Variants in SULT2B1 observed in about 807,000 individuals in gnomAD.
SULT2B1 encodes the protein sulfotransferase family 2B member 1.
Under a neutral mutation model 33.2 loss-of-function variants are expected in SULT2B1, and 16 were observed. The ratio of observed to expected loss-of-function variants is 0.48; its 90% CI spans 0.33 to 0.73. SULT2B1 has a LOEUF of 0.73. Ranked by LOEUF, SULT2B1 falls within the 30% of genes least tolerant of loss-of-function variation. The pLI is 0.02. For missense variants in SULT2B1, 500 were observed against 506.0 expected (o/e 0.99, Z 0.11); for synonymous variants, 186 against 200.5 (o/e 0.93, Z 0.61).
intron 4 of SULT2B1, among the ~76,000 whole-genome samples, chr19:48,592,206 G>C (rs3786750): frequency 0.21 from 32,287 of 152,024 alleles, 3,515 homozygotes; most frequent in Non-Finnish European, 0.24. Flanking sequence ...ACAGGAGAAT[G>C]GCTTGAACTT....
chr19:48,559,437 T>G (rs950896527), intron 1 of SULT2B1, among the ~76,000 whole-genome samples: 1 of 151,964 alleles, frequency 6.6e-6, no homozygotes, highest in African/African-American at 2.4e-5. Context: ...GTGGCGTGAT[T>G]TTAGCTCACT....
At chr19:48,598,759 C>T (rs1357887407) in intron 6 of SULT2B1, among the ~76,000 whole-genome samples, 1 of 152,028 alleles carries the variant, frequency 6.6e-6, no homozygotes, top group African/African-American at 2.4e-5. Context: ...GACAGGAGGC[C>T]TTGTTCTAGC....
At chr19:48,564,328 C>T (rs751348448) in intron 1 of SULT2B1, among the ~76,000 whole-genome samples, 14 of 151,240 alleles carry the variant, frequency 9.3e-5, no homozygotes, top group East Asian at 2.0e-4. Context: ...CCGAGGCGGG[C>T]GGATCACGAG....
At chr19:48,566,590 C>G (rs1420512910) in intron 1 of SULT2B1, among the ~76,000 whole-genome samples, 1 of 152,156 alleles carries the variant, frequency 6.6e-6, no homozygotes, top group South Asian at 2.1e-4. Flanking sequence ...ACCTGTAATT[C>G]TAGCATTTTG....
chr19:48,587,111 T>TAA (rs34482710), intron 2 of SULT2B1, 118 bp from the exon 3 acceptor site: 15,633 of 638,472 alleles, frequency 0.024, 396 homozygotes, highest in East Asian at 0.13. Flanking sequence ...GACTCTGTCT[T>TAA]AAAAAAAAAT....
intron 6 of SULT2B1, among the ~76,000 whole-genome samples, chr19:48,598,798 A>T (rs888006346): frequency 2.0e-5 from 3 of 151,896 alleles, no homozygotes; most frequent in African/African-American, 7.3e-5. Context: ...GTCGCAGAGG[A>T]GGTGACACAA....
At chr19:48,562,923 G>A (rs144728939) in intron 1 of SULT2B1, among the ~76,000 whole-genome samples, 8 of 151,964 alleles carry the variant, frequency 5.3e-5, no homozygotes, top group South Asian at 2.1e-4. Flanking sequence ...TAAGTGATCC[G>A]CCTGCCTTGG....
At chr19:48,569,657 C>A (rs1319744488) in intron 1 of SULT2B1, among the ~76,000 whole-genome samples, 1 of 151,344 alleles carries the variant, frequency 6.6e-6, no homozygotes, top group Non-Finnish European at 1.5e-5. Context: ...AGCCACCATG[C>A]CTGGCCTCAA....
chr19:48,591,797 C>T, intron 4 of SULT2B1, 62 bp downstream of exon 4: 1 of 1,479,920 alleles, frequency 6.8e-7, no homozygotes, highest in Non-Finnish European at 9.0e-7. Context: ...CCCTGATGGG[C>T]AGAGGGACAG....
chr19:48,560,776 C>T (rs1445044053), intron 1 of SULT2B1, among the ~76,000 whole-genome samples: 1 of 151,802 alleles, frequency 6.6e-6, no homozygotes, highest in East Asian at 1.9e-4. Context: ...GCCTGGCCAA[C>T]ATGGTGAAAC....
rs183732003 is a variant in SULT2B1 at position 48,581,264 on chromosome 19, G to A, written c.214+5181G>A. ...TCTCCATGTTGGTCAGGCTGGTCTC[G>A]AACTCCCAATCTCAGGTGATCCGCC... On this transcript the variant is annotated intron_variant, in intron 2 of 6. Coordinates refer to ENST00000201586, the MANE Select transcript of SULT2B1 (RefSeq NM_177973.2). 2.3e-3 allele frequency among the ~76,000 whole-genome samples: 344 copies of A among 147,188 alleles called. 11 individuals carry two copies. The highest frequency in any genetic ancestry group is 0.022 in the Admixed American group (325 of 14,486).
In SULT2B1 at chr19:48,592,890, G is replaced by A. The variant is rs935647648; in HGVS notation, c.645+74G>A. ...TCACACCCCACACTCTCCCCTTCCC[G>A]AGGGTCTCAGGACCCCTCCGCTTCC... On this transcript the variant is annotated intron_variant, in intron 5 of 6. Coordinates refer to ENST00000201586, the MANE Select transcript of SULT2B1 (RefSeq NM_177973.2). 49 of 1,356,974 alleles carry A rather than the reference G, an allele frequency of 3.6e-5. No homozygotes were observed. The African/African-American group carries it at 4.1e-4, about 11-fold the overall frequency. The allele number at this position is 1,356,974 out of a possible 1,614,324, so 84.1% of individuals were successfully genotyped here. A position where few individuals can be genotyped will look rare whatever the true frequency, so the allele number is the denominator to read the frequency against.
In SULT2B1 at chr19:48,552,411, C is replaced by G; in HGVS notation, c.71+88C>G. On this transcript the variant is annotated intron_variant, in intron 1 of 6. Coordinates refer to ENST00000201586, the MANE Select transcript of SULT2B1 (RefSeq NM_177973.2). This position sits in a 1 kb window ranked among gnomAD's most constrained non-coding sequence, Gnocchi z 4.8. ...CCGGGGACTGTGGCAAGGGTGGCCT[C>G]CAGCCACCCGCAGCCGCAGGCCTGG... The G allele has an allele frequency of 2.1e-6, 3 of 1,418,898 alleles. No individual in the cohort carries two copies. The highest frequency in any genetic ancestry group is 1.9e-6 in the Non-Finnish European group (2 of 1,036,478). The allele number at this position is 1,418,898 out of a possible 1,614,324, so 87.9% of individuals were successfully genotyped here. A position where few individuals can be genotyped will look rare whatever the true frequency, so the allele number is the denominator to read the frequency against.
intron 4 of SULT2B1, among the ~76,000 whole-genome samples, 194 bp downstream of exon 4, chr19:48,591,929 G>C (rs1973648955): frequency 6.6e-6 from 1 of 152,042 alleles, no homozygotes; most frequent in Non-Finnish European, 1.5e-5. Flanking sequence ...AAAGACACAG[G>C]ACAGGCAAAG....
intron 2 of SULT2B1, among the ~76,000 whole-genome samples, chr19:48,576,936 T>C (rs943013883): frequency 3.3e-5 from 5 of 151,114 alleles, no homozygotes; most frequent in African/African-American, 1.2e-4. Flanking sequence ...CCACCGCGCC[T>C]GGCTAAATTG....
chr19:48,561,458 A>T (rs58306690), intron 1 of SULT2B1, among the ~76,000 whole-genome samples: 15 of 136,902 alleles, frequency 1.1e-4, no homozygotes, highest in Non-Finnish European at 6.7e-5. Context: ...GATAGATAAA[A>T]TAAATAAATT....
At chr19:48,569,361 AACATATATAT>A (rs1973288359) in intron 1 of SULT2B1, among the ~76,000 whole-genome samples, 1 of 9,968 alleles carries the variant, frequency 1.0e-4, no homozygotes, top group Non-Finnish European at 1.9e-4. Flanking sequence ...AAAAAAAAAA[AACATATATAT>A]ATATATATAT....
chr19:48,580,288 T>C (rs1242167630), intron 2 of SULT2B1, among the ~76,000 whole-genome samples: 1 of 151,890 alleles, frequency 6.6e-6, no homozygotes, highest in Non-Finnish European at 1.5e-5. Context: ...GGAGACAGGT[T>C]CTCACTGTTG....
At chr19:48,558,143 T>C (rs984086661) in intron 1 of SULT2B1, among the ~76,000 whole-genome samples, 1 of 152,048 alleles carries the variant, frequency 6.6e-6, no homozygotes, top group African/African-American at 2.4e-5. Context: ...TTAACTACTA[T>C]CATCCCCTGT....
Sources: allele counts gnomAD v4.1 joint callset (sites outside exome capture counted in the v4.1 genomes callset), GRCh38; gene constraint gnomAD v4.1.1; non-coding constraint Gnocchi (gnomAD v3.1); transcripts MANE v1.5; gene names NCBI Gene and HGNC (gene_info 2026-07-23, HGNC 2026-07-21).